The following ARHGAP24 variants were observed in gnomAD, a reference collection of about 807,000 sequenced individuals.
ARHGAP24 encodes the protein Rho GTPase activating protein 24, also known as rho GTPase-activating protein 24.
A neutral mutation model predicts 76.4 loss-of-function variants in ARHGAP24; 50 were observed. The observed-to-expected ratio is 0.65, with a 90% CI of 0.52 to 0.83. ARHGAP24 has a LOEUF of 0.83. Ranked by LOEUF, ARHGAP24 falls within the 40% of genes least tolerant of loss-of-function variation. The pLI is 0.00. For missense variants in ARHGAP24, 930 were observed against 914.2 expected (o/e 1.02, Z -0.22); for synonymous variants, 345 against 323.3 (o/e 1.07, Z -0.72).
At chr4:85,801,075 A>T (rs903730611) in intron 3 of ARHGAP24, among the ~76,000 whole-genome samples, 2 of 152,190 alleles carry the variant, frequency 1.3e-5, no homozygotes, top group African/African-American at 4.8e-5. Context: ...ATGGATGGTT[A>T]TGTCTCAGTT....
chr4:85,956,053 A>G (rs1560744201), intron 5 of ARHGAP24, among the ~76,000 whole-genome samples: 1 of 152,202 alleles, frequency 6.6e-6, no homozygotes, highest in Non-Finnish European at 1.5e-5. Flanking sequence ...GCAGGGCTTG[A>G]TGGAAGAAAG....
Position 85,806,567 on chromosome 4 carries a change from A to ACAGT in ARHGAP24, c.268+84597_268+84598insGTCA, listed in dbSNP as rs34383377. ...CCATGGGTAGCAGTTGTTCCCTATGACATATTTTTTTAATTGGGGGCTGGA... is the reference window on the plus strand; with the variant it reads ...CCATGGGTAGCAGTTGTTCCCTATGACAGTCATATTTTTTTAATTGGGGGCTGGA... On this transcript the variant is annotated intron_variant, in intron 3 of 9. Coordinates refer to ENST00000395184, the MANE Select transcript of ARHGAP24 (RefSeq NM_001025616.3). Among the ~76,000 whole-genome samples, 1,504 of 152,238 alleles carry ACAGT rather than the reference A, an allele frequency of 9.9e-3. 28 individuals are homozygous for ACAGT. Among genetic ancestry groups the ACAGT allele is most frequent in the African/African-American group, 0.034 (1,405 of 41,532 alleles).
At chr4:85,902,802 C>T (rs1284356241) in intron 3 of ARHGAP24, among the ~76,000 whole-genome samples, 2 of 152,140 alleles carry the variant, frequency 1.3e-5, no homozygotes, top group African/African-American at 4.8e-5. Flanking sequence ...CGAGTTTTTG[C>T]CATGTTGGCC....
intron 1 of ARHGAP24, among the ~76,000 whole-genome samples, chr4:85,498,177 A>G (rs1723654606): frequency 6.6e-6 from 1 of 152,230 alleles, no homozygotes; most frequent in South Asian, 2.1e-4. Flanking sequence ...TAATGTGTCA[A>G]AGGTGACTAA....
chr4:85,857,573 T>C (rs1731655335), intron 3 of ARHGAP24, among the ~76,000 whole-genome samples: 1 of 152,204 alleles, frequency 6.6e-6, no homozygotes, highest in Non-Finnish European at 1.5e-5. Context: ...AAATTATCTT[T>C]ATGCAGTTTT....
chr4:85,965,367 C>T (rs1738527954), intron 5 of ARHGAP24, among the ~76,000 whole-genome samples: 1 of 152,068 alleles, frequency 6.6e-6, no homozygotes, highest in African/African-American at 2.4e-5. Context: ...GGGTCCCTCC[C>T]ACAACACGTG....
At chr4:85,573,408 G>T (rs946608306) in intron 2 of ARHGAP24, among the ~76,000 whole-genome samples, 2 of 152,146 alleles carry the variant, frequency 1.3e-5, no homozygotes. Context: ...CCAAGTGAGA[G>T]TAGATGCCTG....
chr4:85,657,416 A>AT (rs941536995), intron 2 of ARHGAP24, among the ~76,000 whole-genome samples: 1 of 152,016 alleles, frequency 6.6e-6, no homozygotes, highest in African/African-American at 2.4e-5. Flanking sequence ...TTTAAGAAGG[A>AT]TTTTTTTTCA....
chr4:85,745,157 G>A (rs185124167), intron 3 of ARHGAP24, among the ~76,000 whole-genome samples: 10 of 151,996 alleles, frequency 6.6e-5, no homozygotes, highest in South Asian at 2.1e-4. Context: ...TTTAACCAGC[G>A]GCCGGGAATG....
chr4:85,761,027 CT>C (rs1311431471), intron 3 of ARHGAP24, among the ~76,000 whole-genome samples: 2 of 152,212 alleles, frequency 1.3e-5, no homozygotes, highest in East Asian at 3.9e-4. Flanking sequence ...GTAATGAGAC[CT>C]CTGCAGCCAT....
chr4:85,629,001 A>G (rs1236472541), intron 2 of ARHGAP24, among the ~76,000 whole-genome samples: 1 of 152,154 alleles, frequency 6.6e-6, no homozygotes, highest in Non-Finnish European at 1.5e-5. Flanking sequence ...ATTAATAGGT[A>G]ACTTTAATTT....
rs200214798 is a variant in ARHGAP24, at chr4:85,781,405, G to GA, written c.268+59440dup. ...CTTTTATTAATCTCACTCTACAAAA[G>GA]AAAAAAACTGGATATATTACATACA... On this transcript the variant is annotated intron_variant, in intron 3 of 9. Transcript: ENST00000395184. 6.2e-3 allele frequency among the ~76,000 whole-genome samples: 944 copies of GA among 152,100 alleles called. 11 individuals carry two copies. Among genetic ancestry groups the GA allele is most frequent in the East Asian group, 0.023 (120 of 5,170 alleles).
At chr4:85,582,990 C>T (rs752853516) in intron 2 of ARHGAP24, among the ~76,000 whole-genome samples, 3 of 152,052 alleles carry the variant, frequency 2.0e-5, no homozygotes, top group African/African-American at 4.8e-5. Context: ...AGGAGTTGTG[C>T]GGTGCTTCCC....
chr4:85,815,514 G>T (rs190028971), intron 3 of ARHGAP24, among the ~76,000 whole-genome samples: 1 of 152,212 alleles, frequency 6.6e-6, no homozygotes, highest in Admixed American at 6.5e-5. Context: ...AATGACACCA[G>T]TCTCTTTGCT....
intron 1 of ARHGAP24, among the ~76,000 whole-genome samples, chr4:85,521,922 G>C (rs2110111532): frequency 6.6e-6 from 1 of 152,212 alleles, no homozygotes; most frequent in East Asian, 1.9e-4. Context: ...AAGAATTTCA[G>C]TGGAAAAGCT....
intron 3 of ARHGAP24, among the ~76,000 whole-genome samples, chr4:85,799,491 A>G (rs1213326248): frequency 6.6e-6 from 1 of 152,192 alleles, no homozygotes; most frequent in Admixed American, 6.5e-5. Context: ...TAAATTACTG[A>G]AAAATTTTAA....
chr4:85,746,855 A>G (rs1213917664), intron 3 of ARHGAP24, among the ~76,000 whole-genome samples: 1 of 151,768 alleles, frequency 6.6e-6, no homozygotes, highest in East Asian at 1.9e-4. Context: ...GGGTTTCACT[A>G]TGTTGGGCAG....
intron 2 of ARHGAP24, among the ~76,000 whole-genome samples, chr4:85,628,539 C>G (rs757731396): frequency 3.0e-4 from 45 of 152,258 alleles, no homozygotes; most frequent in South Asian, 6.2e-4. Flanking sequence ...GTGTTCACAT[C>G]CACTGTTTCC....
chr4:85,846,147 C>T (rs184444440), intron 3 of ARHGAP24, among the ~76,000 whole-genome samples: 168 of 152,196 alleles, frequency 1.1e-3, no homozygotes, highest in African/African-American at 3.6e-3. Flanking sequence ...TCAGGTGATC[C>T]GCCCGCCTCG....
Sources: allele counts gnomAD v4.1 joint callset (sites outside exome capture counted in the v4.1 genomes callset), GRCh38; gene constraint gnomAD v4.1.1; transcripts MANE v1.5; gene names NCBI Gene and HGNC (gene_info 2026-07-23, HGNC 2026-07-21).